ANKH: variants seen among roughly 807,000 people sequenced by gnomAD.
ANKH encodes mineralization regulator ANKH.
ANKH carries 15 observed loss-of-function variants against 49.0 expected under a neutral mutation model. That is an observed-to-expected ratio of 0.31 (90% CI 0.20 to 0.47). ANKH has a LOEUF of 0.47. Ranked by LOEUF, ANKH falls within the 20% of genes least tolerant of loss-of-function variation. ANKH has a pLI of 1.00. For missense variants in ANKH, 429 were observed against 652.0 expected (o/e 0.66, Z 3.72); for synonymous variants, 273 against 260.0 (o/e 1.05, Z -0.48).
intron 1 of ANKH, among the ~76,000 whole-genome samples, chr5:14,826,826 TCTGA>T (rs1168804996): frequency 2.0e-5 from 3 of 152,338 alleles, no homozygotes; most frequent in South Asian, 4.1e-4. Context: ...CTCCATATGT[TCTGA>T]CTAACATCCA....
chr5:14,706,066 C>T lies in ANKH; in HGVS notation c.*5131G>A, dbSNP rs1217949587. On this transcript the variant is annotated 3_prime_UTR_variant, in exon 12 of 12. Transcript: ENST00000284268. ...TTAGCTGGTCTGTCCCCTTCTTTAACCTAAGGAAACCACTTAAACTCTTGG... is the reference window on the plus strand; with the variant it reads ...TTAGCTGGTCTGTCCCCTTCTTTAATCTAAGGAAACCACTTAAACTCTTGG... The T allele has an allele frequency of 6.6e-6, 1 of 152,172 alleles. No homozygotes were observed. Among genetic ancestry groups the T allele is most frequent in the African/African-American group, 2.4e-5 (1 of 41,418 alleles). The allele number at this position is 152,172 out of a possible 1,614,324, so 9.4% of individuals were successfully genotyped here.
intron 1 of ANKH, among the ~76,000 whole-genome samples, chr5:14,836,694 C>T (rs1385044238): frequency 6.6e-6 from 1 of 152,032 alleles, no homozygotes; most frequent in Non-Finnish European, 1.5e-5. Context: ...CCATACTGCC[C>T]AAGGTAATTT....
intron 1 of ANKH, among the ~76,000 whole-genome samples, chr5:14,808,252 AT>A (rs35952510): frequency 0.13 from 18,975 of 151,392 alleles, 1,661 homozygotes; most frequent in East Asian, 0.45. Context: ...CTACATGTAC[AT>A]TTTTTTTTAC....
At chr5:14,798,534 G>A (rs568958782) in intron 1 of ANKH, 21 of 682,944 alleles carry the variant, frequency 3.1e-5, no homozygotes, top group Middle Eastern at 4.1e-4. Context: ...TGGCAACCCT[G>A]TGTCAAGCAA....
At chr5:14,762,171 ACT>A (rs1314072630) in intron 2 of ANKH, among the ~76,000 whole-genome samples, 2 of 151,996 alleles carry the variant, frequency 1.3e-5, no homozygotes, top group Non-Finnish European at 2.9e-5. Flanking sequence ...GCCCAAATAA[ACT>A]CTCTATATAA....
chr5:14,710,315 C>A lies in ANKH; in HGVS notation c.*882G>T, dbSNP rs1055985924. 1 of 152,214 alleles carries A rather than the reference C, an allele frequency of 6.6e-6. No homozygotes were observed. The highest frequency in any genetic ancestry group is 6.5e-5 in the Admixed American group (1 of 15,286). The allele number at this position is 152,214 out of a possible 1,614,324, so 9.4% of individuals were successfully genotyped here. ...CAAAGTTAGGATGCTCCATGTGACT[C>A]GCTCTAATGCGACCTTCAGGAAAGG... is the stretch of plus-strand genomic sequence containing the variant. On this transcript the variant is annotated 3_prime_UTR_variant, in exon 12 of 12. Coordinates refer to ENST00000284268, the MANE Select transcript of ANKH (RefSeq NM_054027.6).
At chr5:14,748,360 T>C (rs78934139) in intron 6 of ANKH, among the ~76,000 whole-genome samples, 3,218 of 152,332 alleles carry the variant, frequency 0.021, 100 homozygotes, top group African/African-American at 0.073. Flanking sequence ...GCTGGAGACA[T>C]GCTGACAGCG....
At chr5:14,739,222 G>C (rs1738278280) in intron 8 of ANKH, among the ~76,000 whole-genome samples, 1 of 152,142 alleles carries the variant, frequency 6.6e-6, no homozygotes, top group South Asian at 2.1e-4. Flanking sequence ...TTCGAGACCA[G>C]CCTGGCCGAT....
At chr5:14,732,777 G>A (rs1738045379) in intron 8 of ANKH, among the ~76,000 whole-genome samples, 1 of 152,146 alleles carries the variant, frequency 6.6e-6, no homozygotes, top group South Asian at 2.1e-4. Context: ...GAAGCCACTT[G>A]GCTAGTGAGT....
intron 6 of ANKH, among the ~76,000 whole-genome samples, chr5:14,748,308 C>T (rs1211012446): frequency 1.3e-5 from 2 of 152,192 alleles, no homozygotes; most frequent in East Asian, 1.9e-4. Context: ...TCCAGGAGAA[C>T]ATGAGCAGCT....
chr5:14,711,095 A>C lies in ANKH; in HGVS notation c.*102T>G, dbSNP rs1346302345. ...TCAAGGCCTCTTTCATTACCAAAAC[A>C]AAACAAAAAAAAGGGAACAAAATAC... On this transcript the variant is annotated 3_prime_UTR_variant, in exon 12 of 12. Coordinates refer to ENST00000284268, the MANE Select transcript of ANKH (RefSeq NM_054027.6). 6 of 1,101,744 alleles carry C rather than the reference A, an allele frequency of 5.4e-6. No individual in the cohort carries two copies. The highest frequency in any genetic ancestry group is 7.0e-6 in the Non-Finnish European group (5 of 718,318). The allele number at this position is 1,101,744 out of a possible 1,614,324, so 68.2% of individuals were successfully genotyped here. A position where few individuals can be genotyped will look rare whatever the true frequency, so the allele number is the denominator to read the frequency against.
chr5:14,768,164 A>G (rs1343560648), intron 2 of ANKH: 1 of 152,254 alleles, frequency 6.6e-6, no homozygotes. Flanking sequence ...GGTCTGGGTT[A>G]ATCTTTTGGT....
At chr5:14,751,265 G>C (rs762365251) in intron 4 of ANKH, 26 bp from the exon 5 acceptor site, 1 of 1,612,914 alleles carries the variant, frequency 6.2e-7, no homozygotes, top group Non-Finnish European at 8.5e-7. Context: ...ACGGGAACAG[G>C]TCAGAGGGGA....
intron 1 of ANKH, among the ~76,000 whole-genome samples, chr5:14,861,204 C>T (rs1735479235): frequency 6.6e-6 from 1 of 152,234 alleles, no homozygotes; most frequent in South Asian, 2.1e-4. Flanking sequence ...CACAGGATGA[C>T]TGAACCTCCA....
rs1736913398 is a variant in ANKH, at chr5:14,705,505, T to C, written c.*5692A>G. 6.6e-6 allele frequency: 1 copy of C among 152,236 alleles called. No homozygotes were observed. The highest frequency in any genetic ancestry group is 2.1e-4 in the South Asian group (1 of 4,834). 9.4% of individuals were successfully genotyped at this position (152,236 alleles called of 1,614,324 possible). A position where few individuals can be genotyped will look rare whatever the true frequency, so the allele number is the denominator to read the frequency against. ...CGTGAGTGATATGGAAGCCTCCAGC[T>C]TGAATACACTTCTTAAATGAATGAG... On this transcript the variant is annotated 3_prime_UTR_variant, in exon 12 of 12. Coordinates refer to ENST00000284268, the MANE Select transcript of ANKH (RefSeq NM_054027.6).
chr5:14,781,308 C>T (rs756950758), intron 1 of ANKH, among the ~76,000 whole-genome samples: 1 of 152,204 alleles, frequency 6.6e-6, no homozygotes, highest in African/African-American at 2.4e-5. Flanking sequence ...CAAACGGAAC[C>T]TGGTCCCTTC....
chr5:14,804,880 G>T (rs1477103081), intron 1 of ANKH, among the ~76,000 whole-genome samples: 2 of 152,202 alleles, frequency 1.3e-5, no homozygotes, highest in Non-Finnish European at 2.9e-5. Flanking sequence ...GACGTCTTGT[G>T]TGAGTCTGAT....
In ANKH at chr5:14,788,940, T is replaced by A. The variant is rs189561458; in HGVS notation, c.97-19749A>T. ...TCTTTGGACATAACTACATCTAAAC[T>A]TATTTGGGCCGGGCACGGTGGCTCA... On this transcript the variant is annotated intron_variant, in intron 1 of 11. Coordinates refer to ENST00000284268, the MANE Select transcript of ANKH (RefSeq NM_054027.6). Among the ~76,000 whole-genome samples the A allele has an allele frequency of 4.6e-5, 7 of 152,152 alleles. No individual in the cohort carries two copies. In the East Asian group the frequency reaches 1.2e-3, roughly 25 times the overall value.
chr5:14,783,522 T>C (rs1409644764), intron 1 of ANKH, among the ~76,000 whole-genome samples: 2 of 152,174 alleles, frequency 1.3e-5, no homozygotes, highest in South Asian at 2.1e-4. Flanking sequence ...CTAGTTGAAG[T>C]AAAATTGTCT....
Sources: gnomAD v4.1 joint callset for allele counts (sites outside exome capture counted in the v4.1 genomes callset) on GRCh38, gnomAD v4.1.1 for gene constraint, MANE v1.5 for transcripts, NCBI Gene and HGNC (gene_info 2026-07-23, HGNC 2026-07-21) for gene names.